CADM1: variants seen among roughly 807,000 people sequenced by gnomAD.
CADM1 encodes the protein cell adhesion molecule 1.
A neutral mutation model predicts 53.1 loss-of-function variants in CADM1; 15 were observed. The ratio of observed to expected loss-of-function variants is 0.28; its 90% CI spans 0.19 to 0.44. CADM1 has a LOEUF of 0.44. CADM1 is among the 20% of genes least tolerant of loss of function. The pLI, the probability that CADM1 is intolerant of heterozygous loss-of-function variation, is 1.00. For missense variants in CADM1, 434 were observed against 611.3 expected (o/e 0.71, Z 3.06); for synonymous variants, 281 against 243.0 (o/e 1.16, Z -1.45).
intron 5 of CADM1, among the ~76,000 whole-genome samples, chr11:115,228,475 G>A (rs1306999555): frequency 3.3e-5 from 5 of 152,142 alleles, no homozygotes; most frequent in Admixed American, 6.5e-5. Context: ...TGGCTACTTA[G>A]CCACAACCTT....
At chr11:115,496,665 G>A (rs1949622048) in intron 1 of CADM1, among the ~76,000 whole-genome samples, 1 of 152,154 alleles carries the variant, frequency 6.6e-6, no homozygotes. Context: ...AGCTAGCAGA[G>A]GACTAGAGTA....
intron 1 of CADM1, among the ~76,000 whole-genome samples, chr11:115,394,701 C>T (rs1229805377): frequency 2.6e-5 from 4 of 152,074 alleles, no homozygotes; most frequent in South Asian, 2.1e-4. Context: ...GTGTGGAACC[C>T]AATGTCAAAA....
intron 1 of CADM1, among the ~76,000 whole-genome samples, chr11:115,245,773 C>A (rs1942389294): frequency 6.6e-6 from 1 of 152,202 alleles, no homozygotes; most frequent in Non-Finnish European, 1.5e-5. Context: ...GTGTTCACTA[C>A]AAATCATTAA....
chr11:115,391,805 C>G (rs1470156751), intron 1 of CADM1, among the ~76,000 whole-genome samples: 1 of 152,084 alleles, frequency 6.6e-6, no homozygotes, highest in African/African-American at 2.4e-5. Context: ...GCTGGTGGAG[C>G]CTGATTAAAG....
intron 6 of CADM1, 69 bp downstream of exon 6, chr11:115,217,823 A>G: frequency 2.1e-6 from 2 of 949,904 alleles, no homozygotes; most frequent in Admixed American, 3.4e-5. Flanking sequence ...AGGACTGGTG[A>G]ATGCACATGT....
chr11:115,214,277 G>A (rs1272597215), intron 7 of CADM1, among the ~76,000 whole-genome samples: 1 of 152,212 alleles, frequency 6.6e-6, no homozygotes, highest in Non-Finnish European at 1.5e-5. Flanking sequence ...TAAACTTTCT[G>A]AGCTGAAAAG....
chr11:115,259,109 C>G (rs564538082), intron 1 of CADM1, among the ~76,000 whole-genome samples: 1 of 151,922 alleles, frequency 6.6e-6, no homozygotes, highest in African/African-American at 2.4e-5. Context: ...CCTCAGCCTC[C>G]CAAGTAGCTG....
intron 1 of CADM1, among the ~76,000 whole-genome samples, chr11:115,370,679 G>T (rs925366626): frequency 9.2e-5 from 14 of 152,120 alleles, no homozygotes; most frequent in Admixed American, 2.6e-4. Context: ...CGTTGTTTAA[G>T]CCACCCACAC....
At chr11:115,394,363 G>C (rs1040303279) in intron 1 of CADM1, among the ~76,000 whole-genome samples, 3 of 152,110 alleles carry the variant, frequency 2.0e-5, no homozygotes, top group African/African-American at 7.2e-5. Flanking sequence ...TCAGAAGCAA[G>C]ATGCTTGGAT....
At chr11:115,224,255 A>C (rs1941516513) in intron 5 of CADM1, among the ~76,000 whole-genome samples, 1 of 151,740 alleles carries the variant, frequency 6.6e-6, no homozygotes, top group South Asian at 2.1e-4. Flanking sequence ...TCATCTCCTC[A>C]ATGCCCAATT....
At chr11:115,409,389 T>A (rs1480164729) in intron 1 of CADM1, among the ~76,000 whole-genome samples, 3 of 152,182 alleles carry the variant, frequency 2.0e-5, no homozygotes, top group Non-Finnish European at 4.4e-5. Flanking sequence ...CTTCACTTTA[T>A]CCCTTATTTT....
chr11:115,438,194 CTA>C (rs2135314882), intron 1 of CADM1, among the ~76,000 whole-genome samples: 1 of 152,298 alleles, frequency 6.6e-6, no homozygotes, highest in South Asian at 2.1e-4. Flanking sequence ...AATAATCATC[CTA>C]TATCTGTGCC....
At chr11:115,283,247 G>C (rs1252940246) in intron 1 of CADM1, among the ~76,000 whole-genome samples, 2 of 152,188 alleles carry the variant, frequency 1.3e-5, no homozygotes, top group East Asian at 3.9e-4. Flanking sequence ...GGTGATGGTA[G>C]ATCTGTGCCT....
intron 9 of CADM1, among the ~76,000 whole-genome samples, chr11:115,192,371 G>T (rs566613970): frequency 1.1e-4 from 17 of 152,286 alleles, no homozygotes; most frequent in African/African-American, 3.4e-4. Context: ...ATAGATTTAG[G>T]CAACTAAAGG....
At chr11:115,298,648 A>G (rs1200639992) in intron 1 of CADM1, among the ~76,000 whole-genome samples, 1 of 152,236 alleles carries the variant, frequency 6.6e-6, no homozygotes, top group Non-Finnish European at 1.5e-5. Context: ...AGTTTTTGAG[A>G]AAGAGTTGGA....
intron 10 of CADM1, among the ~76,000 whole-genome samples, chr11:115,189,476 T>C (rs1035106285): frequency 1.3e-5 from 2 of 152,220 alleles, no homozygotes; most frequent in Non-Finnish European, 2.9e-5. Context: ...AGAGTTGTTT[T>C]CTTTACGGTC....
chr11:115,300,557 T>TAC (rs1317098891), intron 1 of CADM1, among the ~76,000 whole-genome samples: 23 of 152,282 alleles, frequency 1.5e-4, no homozygotes, highest in African/African-American at 5.5e-4. Context: ...AGAAAGCACA[T>TAC]ACTATCGAAA....
chr11:115,441,298 A>G (rs901293393), intron 1 of CADM1, among the ~76,000 whole-genome samples: 1 of 152,196 alleles, frequency 6.6e-6, no homozygotes, highest in Non-Finnish European at 1.5e-5. Context: ...ACCAATGAAA[A>G]TGATGACTCA....
chr11:115,428,005 CAAAAAAAAAAAAA>C (rs66872817), intron 1 of CADM1, among the ~76,000 whole-genome samples: 3 of 54,054 alleles, frequency 5.6e-5, no homozygotes, highest in Admixed American at 3.0e-4. Context: ...GACTCCATCT[CAAAAAAAAAAAAA>C]AAAAAAAAAA....
Sources: gnomAD v4.1 joint callset for allele counts (sites outside exome capture counted in the v4.1 genomes callset) on GRCh38, gnomAD v4.1.1 for gene constraint, MANE v1.5 for transcripts, NCBI Gene and HGNC (gene_info 2026-07-23, HGNC 2026-07-21) for gene names.